EIF2S3: variants seen among roughly 807,000 people sequenced by gnomAD.
EIF2S3 encodes the protein eukaryotic translation initiation factor 2 subunit gamma.
In EIF2S3, 2 loss-of-function variants were observed where a neutral mutation model predicts 31.7. That is an observed-to-expected ratio of 0.06 (90% CI 0.03 to 0.20). The LOEUF is 0.20. Among genes scored for constraint, EIF2S3 ranks in the 10% least tolerant of loss-of-function variants. The pLI is 1.00. For missense variants in EIF2S3, 96 were observed against 359.3 expected (o/e 0.27, Z 5.92); for synonymous variants, 120 against 126.7 (o/e 0.95, Z 0.36).
intron 6 of EIF2S3, among the ~76,000 whole-genome samples, chrX:24,063,074 T>C (rs959828711): frequency 9.0e-6 from 1 of 110,733 alleles, no homozygotes; most frequent in Admixed American, 9.7e-5. Flanking sequence ...AGAAACCCCA[T>C]CTCTACTAAA....
At chrX:24,066,563 C>T (rs985467839) in intron 8 of EIF2S3, among the ~76,000 whole-genome samples, 7 of 104,288 alleles carry the variant, frequency 6.7e-5, no homozygotes, top group Non-Finnish European at 1.2e-4. Flanking sequence ...TGCTGTTTCG[C>T]CCAAGCTGGA....
intron 4 of EIF2S3, among the ~76,000 whole-genome samples, chrX:24,059,071 C>G (rs1930451403): frequency 8.9e-6 from 1 of 112,303 alleles, no homozygotes; most frequent in South Asian, 3.6e-4. Flanking sequence ...AAATTTTGCA[C>G]TTGTCTCACT....
rs890597491 is a variant in EIF2S3 at position 24,078,305 on chromosome X, C to T, written c.*1520C>T. On this transcript the variant is annotated 3_prime_UTR_variant, in exon 12 of 12. Transcript: ENST00000253039. Reference sequence around the variant, plus strand: ...CCTTCCAAAGTGCTGGGATTACAGGCGTGAGCCACTCTGCCCGGCTTATTT... The same window carrying T: ...CCTTCCAAAGTGCTGGGATTACAGGTGTGAGCCACTCTGCCCGGCTTATTT... Among the ~76,000 whole-genome samples, 22 of 110,986 alleles carry T rather than the reference C, an allele frequency of 2.0e-4. No individual in the cohort carries two copies. Among genetic ancestry groups the T allele is most frequent in the Non-Finnish European group, 3.8e-5 (2 of 53,022 alleles).
chrX:24,060,647 A>G (rs1398624319), intron 5 of EIF2S3, among the ~76,000 whole-genome samples: 1 of 110,498 alleles, frequency 9.0e-6, no homozygotes, highest in Non-Finnish European at 1.9e-5. Context: ...CTGTTGAGAG[A>G]TTTCATTACT....
intron 6 of EIF2S3, 135 bp from the exon 7 acceptor site, chrX:24,064,066 C>A: frequency 1.9e-6 from 1 of 529,331 alleles, no homozygotes; most frequent in Non-Finnish European, 2.7e-6. Context: ...ATCCACTTTC[C>A]ACTTGTTGCT....
intron 6 of EIF2S3, 52 bp from the exon 7 acceptor site, chrX:24,064,149 A>G: frequency 2.0e-6 from 2 of 1,025,081 alleles, no homozygotes; most frequent in Non-Finnish European, 2.5e-6. Flanking sequence ...GATACATAGA[A>G]TAAATTTTAT....
intron 4 of EIF2S3, among the ~76,000 whole-genome samples, chrX:24,059,093 C>CT (rs1334955097): frequency 8.9e-6 from 1 of 112,193 alleles, no homozygotes; most frequent in African/African-American, 3.2e-5. Context: ...TAGTCCTGGC[C>CT]TTTAATAGGG....
chrX:24,057,834 T>TAGGAGAG, intron 4 of EIF2S3, 80 bp downstream of exon 4: 1 of 1,040,370 alleles, frequency 9.6e-7, no homozygotes, highest in Non-Finnish European at 1.3e-6. Flanking sequence ...ATCGAGGTGT[T>TAGGAGAG]AAACGGTGAA....
At chrX:24,071,212 A>G (rs1254826256) in intron 9 of EIF2S3, among the ~76,000 whole-genome samples, 2 of 105,117 alleles carry the variant, frequency 1.9e-5, no homozygotes, top group Non-Finnish European at 1.9e-5. Flanking sequence ...TTTTTTGGAG[A>G]CAGAGTCTCA....
At chrX:24,064,449 A>AT in intron 7 of EIF2S3, 114 bp downstream of exon 7, 1 of 962,366 alleles carries the variant, frequency 1.0e-6, no homozygotes, top group Non-Finnish European at 1.4e-6. Flanking sequence ...AATTCATACA[A>AT]TTTTTTTGAA....
chrX:24,061,599 T>G (rs1447918011), intron 5 of EIF2S3, among the ~76,000 whole-genome samples: 2 of 110,465 alleles, frequency 1.8e-5, no homozygotes, highest in Non-Finnish European at 3.8e-5. Context: ...CATGCCATGT[T>G]GGTATAGTCA....
chrX:24,064,470 A>T (rs1453477233), intron 7 of EIF2S3, 135 bp downstream of exon 7: 2 of 819,903 alleles, frequency 2.4e-6, no homozygotes, highest in Non-Finnish European at 3.4e-6. Context: ...ATCAATTCTG[A>T]GATTGTATTG....
intron 4 of EIF2S3, among the ~76,000 whole-genome samples, chrX:24,058,451 A>G (rs1026234670): frequency 4.5e-5 from 5 of 111,241 alleles, no homozygotes; most frequent in Admixed American, 9.6e-5. Context: ...TTGGCTCAGC[A>G]TGGCATTGTA....
intron 9 of EIF2S3, among the ~76,000 whole-genome samples, chrX:24,071,051 A>G (rs139274227): frequency 0.011 from 1,190 of 111,760 alleles, 8 homozygotes; most frequent in Non-Finnish European, 0.017. Flanking sequence ...TTGCCCAGTC[A>G]TCTCATGAGT....
rs1930695324 is a variant in EIF2S3 at position 24,072,957 on chromosome X, C to T, written c.1183-134C>T. 4 of 738,508 alleles carry T rather than the reference C, an allele frequency of 5.4e-6. No individual in the cohort carries two copies. The South Asian group carries it at 1.2e-4, about 22-fold the overall frequency. The allele number at this position is 738,508 out of a possible 1,213,427, so 60.9% of individuals were successfully genotyped here. On this transcript the variant is annotated intron_variant, in intron 10 of 11. Transcript: ENST00000253039. ...ACTATACTATATATAGTTCAAATTC[C>T]TTTACAATGAAATTTCTATAGAATT...
At chrX:24,072,242 G>C (rs1930682788) in intron 10 of EIF2S3, among the ~76,000 whole-genome samples, 2 of 110,827 alleles carry the variant, frequency 1.8e-5, no homozygotes, top group Non-Finnish European at 3.8e-5. Context: ...AAAAGTATTA[G>C]CCATTTATGA....
chrX:24,068,833 A>G (rs757176853), intron 9 of EIF2S3, among the ~76,000 whole-genome samples: 32 of 111,883 alleles, frequency 2.9e-4, no homozygotes, highest in African/African-American at 1.0e-3. Flanking sequence ...AATGAGGTAG[A>G]AATAAAAGAA....
intron 5 of EIF2S3, 32 bp from the exon 6 acceptor site, chrX:24,062,384 T>C: frequency 8.5e-7 from 1 of 1,176,263 alleles, no homozygotes; most frequent in Non-Finnish European, 1.1e-6. Context: ...CAGCTATTCT[T>C]ATATGCATCT....
chrX:24,065,161 A>G (rs1930552835), intron 7 of EIF2S3, among the ~76,000 whole-genome samples: 1 of 111,771 alleles, frequency 8.9e-6, no homozygotes, highest in Non-Finnish European at 1.9e-5. Flanking sequence ...TTATAGTTAT[A>G]AAGCTGAATT....
Sources: allele counts gnomAD v4.1 joint callset (sites outside exome capture counted in the v4.1 genomes callset), GRCh38; gene constraint gnomAD v4.1.1; transcripts MANE v1.5; gene names NCBI Gene and HGNC (gene_info 2026-07-23, HGNC 2026-07-21).